Variants in KCNN2 observed in about 807,000 individuals in gnomAD.
KCNN2 encodes small conductance calcium-activated potassium channel protein 2.
KCNN2 carries 24 observed loss-of-function variants against 55.5 expected under a neutral mutation model. The ratio of observed to expected loss-of-function variants is 0.43; its 90% confidence interval spans 0.31 to 0.61. The LOEUF is 0.61. Among genes scored for constraint, KCNN2 ranks in the 20% least tolerant of loss-of-function variants. The pLI is 0.08. For synonymous variants in KCNN2, 431 were observed against 336.1 expected, an observed-to-expected ratio of 1.28 and a Z score of -3.09; for missense variants, 754 against 853.6, an observed-to-expected ratio of 0.88 and a Z score of 1.45.
intron 2 of KCNN2, among the ~76,000 whole-genome samples, chr5:114,366,588 G>A (rs1029465389): frequency 6.6e-6 from 1 of 152,180 alleles, no homozygotes; most frequent in Admixed American, 6.5e-5. Flanking sequence ...AGGTAAAGAT[G>A]TTCTAATTTG....
intron 1 of KCNN2, among the ~76,000 whole-genome samples, chr5:114,131,333 C>G (rs989780870): frequency 2.0e-5 from 3 of 152,104 alleles, no homozygotes; most frequent in Non-Finnish European, 4.4e-5. Flanking sequence ...CCCATGTGTC[C>G]ATGTGTTCTC....
chr5:114,487,543 G>A (rs982927548), intron 6 of KCNN2, among the ~76,000 whole-genome samples: 7 of 152,086 alleles, frequency 4.6e-5, no homozygotes, highest in African/African-American at 1.7e-4. Context: ...TGAAAGTAGT[G>A]CATATAACTG....
At chr5:114,211,784 A>G (rs1753890368) in intron 1 of KCNN2, among the ~76,000 whole-genome samples, 3 of 152,034 alleles carry the variant, frequency 2.0e-5, no homozygotes. Context: ...AGACAGAAAA[A>G]GGTTGCATAT....
At chr5:114,323,128 C>G (rs1479733256) in intron 2 of KCNN2, among the ~76,000 whole-genome samples, 1 of 152,192 alleles carries the variant, frequency 6.6e-6, no homozygotes, top group East Asian at 1.9e-4. Context: ...TGAATCCATG[C>G]TCCTCCTGGA....
At chr5:114,057,423 G>A (rs1443098436) in intron 1 of KCNN2, among the ~76,000 whole-genome samples, 1 of 152,160 alleles carries the variant, frequency 6.6e-6, no homozygotes, top group African/African-American at 2.4e-5. Context: ...CAGTTAGTAA[G>A]TGGGGGAACC....
At chr5:114,472,857 T>G (rs1761814171) in intron 4 of KCNN2, among the ~76,000 whole-genome samples, 197 bp from the exon 5 acceptor site, 1 of 152,238 alleles carries the variant, frequency 6.6e-6, no homozygotes, top group Non-Finnish European at 1.5e-5. Context: ...GTTCTTAAAA[T>G]ATGTAAACTA....
At chr5:114,291,018 T>C (rs1038803184) in intron 2 of KCNN2, among the ~76,000 whole-genome samples, 2 of 152,234 alleles carry the variant, frequency 1.3e-5, no homozygotes, top group South Asian at 2.1e-4. Context: ...TCCAGGAGAA[T>C]GTTTCATGTA....
intron 2 of KCNN2, among the ~76,000 whole-genome samples, chr5:114,364,524 G>C (rs766042804): frequency 6.6e-5 from 10 of 151,670 alleles, no homozygotes; most frequent in Non-Finnish European, 1.0e-4. Flanking sequence ...AAAAAAAACT[G>C]TTGTAAGTTT....
intron 1 of KCNN2, among the ~76,000 whole-genome samples, chr5:114,143,427 C>A (rs781724098): frequency 6.6e-6 from 1 of 152,092 alleles, no homozygotes; most frequent in Non-Finnish European, 1.5e-5. Flanking sequence ...TGCTAGACAA[C>A]CGGTTAGACC....
At chr5:114,178,762 G>C (rs934881016) in intron 1 of KCNN2, among the ~76,000 whole-genome samples, 3 of 152,188 alleles carry the variant, frequency 2.0e-5, no homozygotes, top group Non-Finnish European at 4.4e-5. Context: ...TAGTCATAGA[G>C]TTAGGGTTTC....
chr5:114,336,359 G>A (rs1006703908), intron 2 of KCNN2, among the ~76,000 whole-genome samples: 3 of 152,192 alleles, frequency 2.0e-5, no homozygotes, highest in Non-Finnish European at 4.4e-5. Context: ...AAAAAGCTTT[G>A]TTATGAATTC....
chr5:114,363,795 T>G (rs1757522502), intron 1 of KCNN2, 111 bp from the exon 2 acceptor site: 2 of 740,488 alleles, frequency 2.7e-6, no homozygotes, highest in Non-Finnish European at 4.7e-6. Flanking sequence ...TCCCCTTATC[T>G]TCCTTCTGTG....
intron 1 of KCNN2, among the ~76,000 whole-genome samples, chr5:114,194,706 T>C (rs116174717): frequency 0.03 from 4,547 of 152,020 alleles, 233 homozygotes; most frequent in African/African-American, 0.1. Context: ...AATTTTGATG[T>C]TTTTTTCTTG....
At chr5:114,198,759 T>C (rs1753611606) in intron 1 of KCNN2, among the ~76,000 whole-genome samples, 1 of 152,098 alleles carries the variant, frequency 6.6e-6, no homozygotes, top group South Asian at 2.1e-4. Flanking sequence ...TTGGTATTTA[T>C]TTCTAGCTTT....
At position 114,345,247 on chromosome 5, in the gene KCNN2, A is replaced by G. The variant is rs754089397; in HGVS notation, c.-184-15698A>G. On this transcript the variant is annotated intron_variant, in intron 2 of 10. Transcript: ENST00000512097. ...GAATACACTACTCTTTGTGGAAAAA[A>G]AAATATACATGTGTCAACTTCCTGG... Among the ~76,000 whole-genome samples the G allele has an allele frequency of 1.1e-3, 166 of 152,358 alleles. 2 individuals carry two copies. The highest frequency in any genetic ancestry group is 1.5e-3 in the Admixed American group (23 of 15,302).
intron 1 of KCNN2, among the ~76,000 whole-genome samples, chr5:114,191,928 A>G (rs1253135375): frequency 6.6e-6 from 1 of 152,210 alleles, no homozygotes; most frequent in African/African-American, 2.4e-5. Flanking sequence ...TAATGTGGTA[A>G]GAATGGATCT....
chr5:114,221,081 A>G (rs1224627724), intron 1 of KCNN2, among the ~76,000 whole-genome samples: 2 of 152,212 alleles, frequency 1.3e-5, no homozygotes, highest in East Asian at 1.9e-4. Flanking sequence ...ATCCTATATG[A>G]CACGTTTATG....
chr5:114,195,060 TGTGCCA>T (rs1753525298), intron 1 of KCNN2, among the ~76,000 whole-genome samples: 1 of 152,022 alleles, frequency 6.6e-6, no homozygotes, highest in South Asian at 2.1e-4. Context: ...AGTCTATCCT[TGTGCCA>T]GTGCCACACT....
chr5:114,104,947 T>C (rs1751451457), intron 1 of KCNN2, among the ~76,000 whole-genome samples: 1 of 152,012 alleles, frequency 6.6e-6, no homozygotes, highest in Non-Finnish European at 1.5e-5. Flanking sequence ...AGAGGCACAA[T>C]GAAAAGCTGG....
Sources: gnomAD v4.1 joint callset for allele counts (sites outside exome capture counted in the v4.1 genomes callset) on GRCh38, gnomAD v4.1.1 for gene constraint, MANE v1.5 for transcripts, NCBI Gene and HGNC (gene_info 2026-07-23, HGNC 2026-07-21) for gene names.